Variants in CLDN10 observed in about 807,000 individuals in gnomAD.
CLDN10 encodes the protein claudin-10.
CLDN10 carries 15 observed loss-of-function variants against 22.9 expected under a neutral mutation model. The observed-to-expected ratio is 0.65, with a 90% CI of 0.44 to 1.01. The LOEUF (loss-of-function observed/expected upper bound fraction) is 1.01, where lower values mean the gene tolerates loss of function less well. Ranked by LOEUF, CLDN10 falls within the 50% of genes least tolerant of loss-of-function variation. CLDN10 has a pLI of 0.00. For missense variants in CLDN10, 247 were observed against 287.8 expected, an observed-to-expected ratio of 0.86 and a Z score of 1.03; for synonymous variants, 114 against 111.4, an observed-to-expected ratio of 1.02 and a Z score of -0.15.
At chr13:95,460,785 T>C (rs747170661) in intron 1 of CLDN10, among the ~76,000 whole-genome samples, 3 of 151,724 alleles carry the variant, frequency 2.0e-5, no homozygotes, top group Admixed American at 6.6e-5. Context: ...TAGCTGTGAT[T>C]ACAGGCACAT....
chr13:95,486,847 G>A (rs1336283526), intron 1 of CLDN10, among the ~76,000 whole-genome samples: 4 of 152,084 alleles, frequency 2.6e-5, no homozygotes, highest in African/African-American at 4.8e-5. Flanking sequence ...TCCCTTTACC[G>A]CCTCAGTGTT....
At position 95,577,264 on chromosome 13, in the gene CLDN10, G is replaced by C. The variant is rs371833389; in HGVS notation, c.498G>C (p.Trp166Cys). 6.2e-7 allele frequency: 1 copy of C among 1,613,968 alleles called. No individual in the cohort carries two copies. The highest frequency in any genetic ancestry group is 8.5e-7 in the Non-Finnish European group (1 of 1,179,992). ...YELGAALFIG[W>C]AGASLCIIGG... ...TAGGAGCCGCTCTGTTTATTGGATG[G>C]GCAGGAGCCTCACTGTGCATAATTG... The change falls in exon 4 of 5, where the codon TGG becomes TGC. Residue 166 changes from tryptophan to cysteine, a missense_variant. Coordinates refer to ENST00000299339, the MANE Select transcript of CLDN10 (RefSeq NM_006984.5).
chr13:95,519,501 C>T (rs1285713862), intron 1 of CLDN10, among the ~76,000 whole-genome samples: 2 of 152,190 alleles, frequency 1.3e-5, no homozygotes, highest in Non-Finnish European at 2.9e-5. Context: ...AGTTGATCAA[C>T]CTAGATCTTC....
At chr13:95,564,882 T>C (rs9556489) in intron 3 of CLDN10, among the ~76,000 whole-genome samples, 33,498 of 152,152 alleles carry the variant, frequency 0.22, 4,013 homozygotes, top group Admixed American at 0.33. Context: ...TCCCACCACG[T>C]ATCTGGGAAG....
intron 3 of CLDN10, among the ~76,000 whole-genome samples, chr13:95,573,510 C>T (rs138767137): frequency 3.0e-4 from 46 of 152,218 alleles, no homozygotes; most frequent in African/African-American, 1.0e-3. Context: ...ATAATCTTAC[C>T]AAGGTGTTGA....
intron 3 of CLDN10, among the ~76,000 whole-genome samples, chr13:95,576,578 T>G (rs1435850576): frequency 1.3e-5 from 2 of 152,228 alleles, no homozygotes; most frequent in Non-Finnish European, 2.9e-5. Context: ...ATCTTGTTTT[T>G]TGTCCTCAGT....
chr13:95,461,917 C>T (rs998856501), intron 1 of CLDN10, among the ~76,000 whole-genome samples: 1 of 152,106 alleles, frequency 6.6e-6, no homozygotes, highest in Middle Eastern at 3.4e-3. Context: ...CATAGCAAGA[C>T]CCCATGTCTA....
At chr13:95,471,440 C>CACACACACACATATAT (rs746573300) in intron 1 of CLDN10, among the ~76,000 whole-genome samples, 9 of 104,380 alleles carry the variant, frequency 8.6e-5, no homozygotes, top group African/African-American at 2.8e-4. Flanking sequence ...CACACACACA[C>CACACACACACATATAT]ATATATATAT....
At chr13:95,517,009 TCCTTCCTTCCTTCCTC>T (rs765299722) in intron 1 of CLDN10, among the ~76,000 whole-genome samples, 3 of 80,832 alleles carry the variant, frequency 3.7e-5, no homozygotes, top group African/African-American at 7.8e-5. Flanking sequence ...CTTCCTTCCT[TCCTTCCTTCCTTCCTC>T]CCTCCCTCTC....
intron 1 of CLDN10, among the ~76,000 whole-genome samples, chr13:95,467,317 A>G (rs2042590196): frequency 6.6e-6 from 1 of 152,132 alleles, no homozygotes; most frequent in Non-Finnish European, 1.5e-5. Context: ...AGCCCTGTAA[A>G]TGTCATTGCA....
At chr13:95,515,708 A>T (rs1400597784) in intron 1 of CLDN10, among the ~76,000 whole-genome samples, 2 of 152,198 alleles carry the variant, frequency 1.3e-5, no homozygotes, top group Admixed American at 6.5e-5. Context: ...GGCGGCTGAC[A>T]TAGTTCCAGC....
chr13:95,489,461 A>G (rs1349958024), intron 1 of CLDN10, among the ~76,000 whole-genome samples: 2 of 151,510 alleles, frequency 1.3e-5, no homozygotes, highest in Non-Finnish European at 1.5e-5. Context: ...TTTGATTTGC[A>G]TTTCCCTGAT....
rs149047095 is a variant in CLDN10, at chr13:95,512,345, T to C, written c.215-47787T>C. 6.3e-3 allele frequency among the ~76,000 whole-genome samples: 961 copies of C among 152,118 alleles called. 8 individuals are homozygous for C. The highest frequency in any genetic ancestry group is 9.9e-3 in the Non-Finnish European group (670 of 68,008). On this transcript the variant is annotated intron_variant, in intron 1 of 4. Transcript: ENST00000376873. ...GAGCAATGTGTTTGACCAACAAGGC[T>C]AGGACCAATGATATAACTAAGAAAA...
chr13:95,474,730 G>A (rs2042668464), intron 1 of CLDN10, among the ~76,000 whole-genome samples: 1 of 152,198 alleles, frequency 6.6e-6, no homozygotes, highest in South Asian at 2.1e-4. Context: ...GGGGAGAAGA[G>A]AATGGAAAAG....
chr13:95,536,599 T>C (rs143598966), intron 1 of CLDN10, among the ~76,000 whole-genome samples: 1,889 of 152,308 alleles, frequency 0.012, 36 homozygotes, highest in African/African-American at 0.043. Flanking sequence ...TCACAATTTC[T>C]CAACACATCT....
At chr13:95,482,678 G>T (rs1363233385) in intron 1 of CLDN10, among the ~76,000 whole-genome samples, 1 of 152,152 alleles carries the variant, frequency 6.6e-6, no homozygotes, top group Non-Finnish European at 1.5e-5. Flanking sequence ...CCTGATTGAA[G>T]TATAAATGAA....
intron 1 of CLDN10, among the ~76,000 whole-genome samples, chr13:95,475,777 G>A (rs2042679433): frequency 6.9e-6 from 1 of 144,150 alleles, no homozygotes; most frequent in Admixed American, 6.9e-5. Flanking sequence ...ATGGGTCGAG[G>A]GTCCCTGCAT....
At chr13:95,550,820 C>A (rs1332756673), upstream of CLDN10, among the ~76,000 whole-genome samples, 2 of 85,546 alleles carry the variant, frequency 2.3e-5, no homozygotes, top group South Asian at 5.0e-4. Context: ...TAGGAAGATA[C>A]TTTTTTTTTT....
chr13:95,490,924 T>TA (rs1448782919), intron 1 of CLDN10, among the ~76,000 whole-genome samples: 1 of 152,216 alleles, frequency 6.6e-6, no homozygotes, highest in Non-Finnish European at 1.5e-5. Flanking sequence ...AATTGTTTTA[T>TA]AAATTTTGGA....
Sources: allele counts gnomAD v4.1 joint callset (sites outside exome capture counted in the v4.1 genomes callset), GRCh38; gene constraint gnomAD v4.1.1; transcripts MANE v1.5; gene names NCBI Gene and HGNC (gene_info 2026-07-23, HGNC 2026-07-21).